Variants in RGS7 observed in about 807,000 individuals in gnomAD.
RGS7 encodes regulator of G-protein signaling 7.
Under a neutral mutation model 81.1 loss-of-function variants are expected in RGS7, and 27 were observed. The ratio of observed to expected loss-of-function variants is 0.33; its 90% CI spans 0.25 to 0.46. RGS7 has a LOEUF of 0.46. Among genes scored for constraint, RGS7 ranks in the 20% least tolerant of loss-of-function variants. RGS7 has a pLI of 1.00. For missense variants in RGS7, 396 were observed against 607.4 expected (o/e 0.65, Z 3.66); for synonymous variants, 208 against 207.7 (o/e 1.00, Z -0.01).
intron 2 of RGS7, among the ~76,000 whole-genome samples, chr1:241,323,098 A>C (rs2081301424): frequency 1.3e-5 from 2 of 152,238 alleles, no homozygotes; most frequent in Non-Finnish European, 2.9e-5. Flanking sequence ...TTTAAATATC[A>C]TATTTATTAT....
chr1:241,310,260 G>A (rs1275692933), intron 2 of RGS7, among the ~76,000 whole-genome samples: 2 of 152,180 alleles, frequency 1.3e-5, no homozygotes, highest in Non-Finnish European at 2.9e-5. Context: ...GAAATTGACT[G>A]AAGTAGCACC....
intron 4 of RGS7, among the ~76,000 whole-genome samples, chr1:240,955,590 T>G (rs1488854711): frequency 6.4e-5 from 9 of 141,102 alleles, no homozygotes; most frequent in Admixed American, 5.5e-4. Flanking sequence ...AAAACCGATT[T>G]GGAATATCCA....
rs187986112 is a variant in RGS7, at chr1:241,218,668, G to A, written c.79-119906C>T. 2.5e-3 allele frequency among the ~76,000 whole-genome samples: 376 copies of A among 152,132 alleles called. 1 individual carries two copies. The highest frequency in any genetic ancestry group is 4.2e-3 in the Non-Finnish European group (284 of 67,978). On this transcript the variant is annotated intron_variant, in intron 2 of 18. Transcript: ENST00000440928. The stretch of plus-strand genomic sequence containing the variant: ...TTTTTGTTTGTTTGTTTTTTGAGAC[G>A]GAGTCTCACACTGTCACCCAGGCTG...
chr1:241,052,686 T>C (rs2061312785), intron 3 of RGS7, among the ~76,000 whole-genome samples: 1 of 146,222 alleles, frequency 6.8e-6, no homozygotes, highest in Admixed American at 6.8e-5. Flanking sequence ...ATAAGCCTGA[T>C]ATAATTCTTA....
chr1:241,236,231 A>G (rs901861548), intron 2 of RGS7, among the ~76,000 whole-genome samples: 1 of 150,680 alleles, frequency 6.6e-6, no homozygotes, highest in South Asian at 2.1e-4. Flanking sequence ...AGATGAGTAC[A>G]TACATGTAAG....
chr1:240,998,719 T>A lies in RGS7; in HGVS notation c.176-15590A>T, dbSNP rs1468948315. The A allele has an allele frequency of 4.0e-6, 4 of 997,286 alleles. No individual in the cohort carries two copies. In the East Asian group the frequency reaches 8.3e-5, roughly 21 times the overall value. The allele number at this position is 997,286 out of a possible 1,614,324, so 61.8% of individuals were successfully genotyped here. On this transcript the variant is annotated intron_variant, in intron 3 of 18. Transcript: ENST00000440928. ...GCTTTAATGAGGGCATTGATCTTAT[T>A]CTCCGTGACGGTCACCTCATCATCG...
At chr1:241,284,825 A>G (rs1322960610) in intron 2 of RGS7, among the ~76,000 whole-genome samples, 1 of 151,986 alleles carries the variant, frequency 6.6e-6, no homozygotes, top group Non-Finnish European at 1.5e-5. Context: ...GCTGGAGTAA[A>G]GTGGTTATTA....
At chr1:240,865,401 T>A (rs989152883) in intron 9 of RGS7, among the ~76,000 whole-genome samples, 9 of 152,244 alleles carry the variant, frequency 5.9e-5, no homozygotes, top group African/African-American at 2.2e-4. Context: ...ATTAAGCCTC[T>A]GGACAGTTTG....
At chr1:241,241,673 T>C (rs149641630) in intron 2 of RGS7, among the ~76,000 whole-genome samples, 1 of 152,234 alleles carries the variant, frequency 6.6e-6, no homozygotes, top group Non-Finnish European at 1.5e-5. Flanking sequence ...GCAGGTGGCA[T>C]GAGCCATGGG....
chr1:241,162,222 G>GCGCCCCCCCCCCCCCCCCCCC (rs68166816), intron 2 of RGS7, among the ~76,000 whole-genome samples: 4 of 142,026 alleles, frequency 2.8e-5, no homozygotes, highest in African/African-American at 1.1e-4. Context: ...CTGGTGATCA[G>GCGCCCCCCCCCCCCCCCCCCC]CTTCCAAATA....
intron 2 of RGS7, among the ~76,000 whole-genome samples, chr1:241,297,858 G>T (rs2148484476): frequency 6.6e-6 from 1 of 152,232 alleles, no homozygotes; most frequent in South Asian, 2.1e-4. Context: ...CAAACAACCT[G>T]CCTCAAAATG....
At chr1:241,207,971 T>C (rs923171801) in intron 2 of RGS7, among the ~76,000 whole-genome samples, 1 of 152,116 alleles carries the variant, frequency 6.6e-6, no homozygotes, top group African/African-American at 2.4e-5. Context: ...AATGGTACGA[T>C]CTCCGCTCAC....
chr1:241,220,867 C>T (rs975797884), intron 2 of RGS7, among the ~76,000 whole-genome samples: 2 of 150,284 alleles, frequency 1.3e-5, no homozygotes, highest in African/African-American at 4.9e-5. Flanking sequence ...CACCACTGCA[C>T]TCCAGCCTGG....
intron 10 of RGS7, chr1:240,823,133 C>A: frequency 8.6e-7 from 1 of 1,160,768 alleles, no homozygotes; most frequent in Non-Finnish European, 1.3e-6. Context: ...CTGAGGTAGC[C>A]AACAATGGCC....
chr1:241,074,519 G>C (rs915847755), intron 3 of RGS7, among the ~76,000 whole-genome samples: 1 of 152,158 alleles, frequency 6.6e-6, no homozygotes, highest in Non-Finnish European at 1.5e-5. Context: ...GTATTCAAAC[G>C]CAATTGTTAG....
At chr1:241,020,912 G>A (rs1201784192) in intron 3 of RGS7, among the ~76,000 whole-genome samples, 1 of 152,128 alleles carries the variant, frequency 6.6e-6, no homozygotes, top group East Asian at 1.9e-4. Flanking sequence ...AGCAATTTGG[G>A]ATCATTCCTT....
chr1:240,972,729 A>AAGGTGC (rs1683440478), intron 4 of RGS7, among the ~76,000 whole-genome samples: 4 of 147,680 alleles, frequency 2.7e-5, no homozygotes, highest in South Asian at 4.4e-4. Flanking sequence ...AAAACCCAAA[A>AAGGTGC]AGGTGCAGGA....
At chr1:241,190,481 T>G (rs2072555311) in intron 2 of RGS7, among the ~76,000 whole-genome samples, 1 of 152,204 alleles carries the variant, frequency 6.6e-6, no homozygotes, top group Non-Finnish European at 1.5e-5. Context: ...TAATTTACAT[T>G]TTGTGTGCTT....
chr1:240,960,546 C>CTTTTT (rs5782170), intron 4 of RGS7, among the ~76,000 whole-genome samples: 1 of 113,718 alleles, frequency 8.8e-6, no homozygotes, highest in Non-Finnish European at 1.8e-5. Context: ...CTGGGCTGTT[C>CTTTTT]TTTTTTTTTT....
Sources: allele counts gnomAD v4.1 joint callset (sites outside exome capture counted in the v4.1 genomes callset), GRCh38; gene constraint gnomAD v4.1.1; transcripts MANE v1.5; gene names NCBI Gene and HGNC (gene_info 2026-07-23, HGNC 2026-07-21).